Variants in GGTA1 observed in about 807,000 individuals in gnomAD.
The protein encoded by GGTA1 is glycoprotein alpha-galactosyltransferase 1 (inactive).
In GGTA1, 5 loss-of-function variants were observed where a neutral mutation model predicts 2.6. The ratio of observed to expected loss-of-function variants is 1.92; its 90% confidence interval spans 1.00 to 4.04. The LOEUF is 4.04. Among genes scored for constraint, GGTA1 ranks in the 30% most tolerant of loss-of-function variants. GGTA1 has a pLI of 0.00. For synonymous variants in GGTA1, 17 were observed against 5.0 expected, an observed-to-expected ratio of 3.38 and a Z score of -3.19; for missense variants, 50 against 16.7, an observed-to-expected ratio of 2.99 and a Z score of -3.47.
At chr9:121,470,685 G>T (rs1828369191) in intron 1 of GGTA1, among the ~76,000 whole-genome samples, 1 of 152,204 alleles carries the variant, frequency 6.6e-6, no homozygotes, top group Non-Finnish European at 1.5e-5. Context: ...CCATTCCTGG[G>T]CGTAGGCTTA....
At chr9:121,454,904 C>T (rs1042727366), downstream of GGTA1, 1 of 152,246 alleles carries the variant, frequency 6.6e-6, no homozygotes, top group African/African-American at 2.4e-5. Context: ...ATCCCAGCTA[C>T]TTGGGAGGCT....
intron 1 of GGTA1, among the ~76,000 whole-genome samples, chr9:121,489,116 A>G (rs1429528677): frequency 6.6e-6 from 1 of 152,248 alleles, no homozygotes; most frequent in Non-Finnish European, 1.5e-5. Flanking sequence ...AAAAAATTTA[A>G]TTATGTAAAC....
chr9:121,464,264 T>G (rs1338803252), intron 2 of GGTA1, among the ~76,000 whole-genome samples: 3 of 151,688 alleles, frequency 2.0e-5, no homozygotes, highest in Non-Finnish European at 4.4e-5. Flanking sequence ...TAAATATTTG[T>G]GAATGGATGC....
At chr9:121,491,530 T>A (rs1361807814) in intron 1 of GGTA1, among the ~76,000 whole-genome samples, 1 of 151,864 alleles carries the variant, frequency 6.6e-6, no homozygotes, top group Non-Finnish European at 1.5e-5. Flanking sequence ...CCTGGCCACC[T>A]CCCTGGCCAG....
At chr9:121,490,198 A>T (rs1302851377) in intron 1 of GGTA1, among the ~76,000 whole-genome samples, 1 of 152,210 alleles carries the variant, frequency 6.6e-6, no homozygotes, top group Admixed American at 6.5e-5. Context: ...AATAATAATG[A>T]TAACAGCACA....
intron 1 of GGTA1, among the ~76,000 whole-genome samples, chr9:121,496,932 C>T (rs10818557): frequency 0.045 from 6,777 of 152,048 alleles, 180 homozygotes; most frequent in East Asian, 0.11. Flanking sequence ...GTGGCTCACA[C>T]CTGTAATCCT....
At chr9:121,491,687 G>T (rs1211489016) in intron 1 of GGTA1, among the ~76,000 whole-genome samples, 1 of 151,612 alleles carries the variant, frequency 6.6e-6, no homozygotes, top group Non-Finnish European at 1.5e-5. Flanking sequence ...TCAGCTCACT[G>T]CAACCTCTGC....
chr9:121,478,566 T>C (rs983353598), intron 1 of GGTA1, among the ~76,000 whole-genome samples: 1 of 152,140 alleles, frequency 6.6e-6, no homozygotes, highest in African/African-American at 2.4e-5. Context: ...TGGTGGGTCT[T>C]ACAAGGAAAT....
chr9:121,450,233 G>A (rs1270002556), downstream of GGTA1, among the ~76,000 whole-genome samples: 1 of 152,020 alleles, frequency 6.6e-6, no homozygotes, highest in Non-Finnish European at 1.5e-5. Context: ...GGACTTCAGT[G>A]TGGCTCTGTG....
chr9:121,471,769 C>T (rs940932602), intron 1 of GGTA1, among the ~76,000 whole-genome samples: 3 of 152,178 alleles, frequency 2.0e-5, no homozygotes, highest in African/African-American at 7.2e-5. Context: ...CACATACAGC[C>T]CCAGACCCGT....
At chr9:121,481,375 T>C (rs1010369252) in intron 1 of GGTA1, among the ~76,000 whole-genome samples, 3 of 151,830 alleles carry the variant, frequency 2.0e-5, no homozygotes, top group African/African-American at 4.8e-5. Flanking sequence ...GATGATTCCA[T>C]TTATTTAAAG....
chr9:121,483,422 C>T (rs1292805838), intron 1 of GGTA1, among the ~76,000 whole-genome samples: 2 of 152,200 alleles, frequency 1.3e-5, no homozygotes, highest in Non-Finnish European at 2.9e-5. Context: ...AATTCAAACA[C>T]GGCCCTCCTC....
In GGTA1 at chr9:121,468,377, C is replaced by T. The variant is rs1440967109; in HGVS notation, c.-9-446G>A. Among the ~76,000 whole-genome samples the T allele has an allele frequency of 3.3e-5, 5 of 152,264 alleles. No homozygotes were observed. The South Asian group carries it at 8.3e-4, about 25-fold the overall frequency. On this transcript the variant is annotated intron_variant, in intron 1 of 5. Transcript: ENST00000481799. ...TCCTTTTTTATGGCTGCATAGTATT[C>T]TATGGTGTATATGTGCCACATTTTC...
intron 1 of GGTA1, among the ~76,000 whole-genome samples, chr9:121,485,174 C>T (rs532678855): frequency 1.3e-5 from 2 of 152,306 alleles, no homozygotes; most frequent in Admixed American, 6.5e-5. Context: ...AATACGAGTT[C>T]GAAGGGCAGC....
intron 1 of GGTA1, among the ~76,000 whole-genome samples, chr9:121,482,950 C>CA (rs1041246615): frequency 8.6e-5 from 13 of 150,884 alleles, no homozygotes; most frequent in African/African-American, 2.7e-4. Flanking sequence ...GATTCTATCT[C>CA]AAAAAAAAGA....
chr9:121,448,890 A>G (rs1198292078), intron 7 of GGTA1, among the ~76,000 whole-genome samples: 1 of 152,258 alleles, frequency 6.6e-6, no homozygotes, highest in Non-Finnish European at 1.5e-5. Context: ...GTTTAACAAA[A>G]GTATAATGAC....
At position 121,476,701 on chromosome 9, in the gene GGTA1, G is replaced by A. The variant is rs894024087; in HGVS notation, c.-9-8770C>T. Among the ~76,000 whole-genome samples the A allele has an allele frequency of 1.3e-5, 2 of 152,240 alleles. No homozygotes were observed. The highest frequency in any genetic ancestry group is 2.4e-5 in the African/African-American group (1 of 41,534). ...GCATAGGAACCACCAACCAATATGC[G>A]CTGAATGCAGAGGCTGACTTACCAG... On this transcript the variant is annotated intron_variant, in intron 1 of 5. Transcript: ENST00000481799. This position sits in a 1 kb window ranked among gnomAD's most constrained non-coding sequence, Gnocchi z 4.6.
chr9:121,462,141 C>A (rs761889596), intron 3 of GGTA1, among the ~76,000 whole-genome samples: 1 of 152,122 alleles, frequency 6.6e-6, no homozygotes, highest in Non-Finnish European at 1.5e-5. Context: ...CTGGCCAACA[C>A]AGTGAAACCC....
chr9:121,470,180 A>G (rs1429044869), intron 1 of GGTA1, among the ~76,000 whole-genome samples: 2 of 152,248 alleles, frequency 1.3e-5, no homozygotes, highest in East Asian at 1.9e-4. Context: ...AAAAGAATAC[A>G]TAACAGTGGC....
Sources: allele counts gnomAD v4.1 joint callset (sites outside exome capture counted in the v4.1 genomes callset), GRCh38; gene constraint gnomAD v4.1.1; non-coding constraint Gnocchi (gnomAD v3.1); transcripts MANE v1.5; gene names NCBI Gene and HGNC (gene_info 2026-07-23, HGNC 2026-07-21).